The following CSMD1 variants were observed in gnomAD, a reference collection of about 807,000 sequenced individuals.
CSMD1 encodes the protein CUB and Sushi multiple domains 1, also known as CUB and sushi domain-containing protein 1.
A neutral mutation model predicts 417.5 loss-of-function variants in CSMD1; 213 were observed. That is an observed-to-expected ratio of 0.51 (90% CI 0.46 to 0.57). CSMD1 has a LOEUF of 0.57. Among genes scored for constraint, CSMD1 ranks in the 20% least tolerant of loss-of-function variants. CSMD1 has a pLI of 0.00. For missense variants in CSMD1, 6,923 were observed against 4,529.7 expected, an observed-to-expected ratio of 1.53 and a Z score of -15.17; for synonymous variants, 2,862 against 1,736.8, an observed-to-expected ratio of 1.65 and a Z score of -16.11.
At chr8:4,411,820 A>C (rs1245537276) in intron 3 of CSMD1, among the ~76,000 whole-genome samples, 1 of 152,198 alleles carries the variant, frequency 6.6e-6, no homozygotes, top group Admixed American at 6.5e-5. Flanking sequence ...TAGCTATGCA[A>C]ATACTTTTAT....
chr8:3,953,596 C>T (rs1210974283), intron 5 of CSMD1, among the ~76,000 whole-genome samples: 1 of 152,060 alleles, frequency 6.6e-6, no homozygotes, highest in Non-Finnish European at 1.5e-5. Context: ...AAGTGGGTCA[C>T]TGCGCCCAAG....
intron 5 of CSMD1, among the ~76,000 whole-genome samples, chr8:3,897,214 G>A (rs942839182): frequency 4.6e-5 from 7 of 152,294 alleles, no homozygotes; most frequent in East Asian, 3.9e-4. Flanking sequence ...TCAAAACAAA[G>A]GAGTGAGATG....
At chr8:4,168,589 G>A (rs1457501663) in intron 3 of CSMD1, among the ~76,000 whole-genome samples, 3 of 151,838 alleles carry the variant, frequency 2.0e-5, no homozygotes, top group South Asian at 2.1e-4. Flanking sequence ...GGCTTTGCAG[G>A]GACAAAACGC....
chr8:3,610,475 C>CGGTG (rs1801836667), intron 8 of CSMD1, among the ~76,000 whole-genome samples: 1 of 129,782 alleles, frequency 7.7e-6, no homozygotes, highest in Non-Finnish European at 1.7e-5. Flanking sequence ...TTCGAGATTA[C>CGGTG]AGTACTCCAG....
intron 42 of CSMD1, among the ~76,000 whole-genome samples, chr8:3,111,831 AAATAAT>A (rs113064194): frequency 1.3e-5 from 2 of 151,814 alleles, no homozygotes; most frequent in African/African-American, 2.4e-5. Context: ...CTGTCTCTAA[AAATAAT>A]AATAATAATA....
Position 3,348,065 on chromosome 8 carries a change from A to G in CSMD1, c.3401T>C (p.Ile1134Thr), listed in dbSNP as rs1808129819. Residue 1134 changes from isoleucine to threonine, a missense_variant, in exon 22 of 70, where the codon ATA becomes ACA. Transcript: ENST00000635120. ...YDNNHECIYK[I>T]ETEAGKGIHL... is the part of the protein sequence containing the mutation. The stretch of plus-strand genomic sequence containing the variant: ...GATGCCCTTGCCGGCTTCTGTTTCT[A>G]TTTTATAGATACACTCATGGTTATT... The G allele has an allele frequency of 6.2e-7, 1 of 1,612,548 alleles. No individual in the cohort carries two copies. The highest frequency in any genetic ancestry group is 8.5e-7 in the Non-Finnish European group (1 of 1,179,200).
intron 2 of CSMD1, among the ~76,000 whole-genome samples, chr8:4,626,723 C>T (rs1349836017): frequency 6.6e-6 from 1 of 152,074 alleles, no homozygotes; most frequent in Non-Finnish European, 1.5e-5. Flanking sequence ...ACCTACCCTT[C>T]AGTTCAAGGA....
At chr8:4,002,218 A>AGT (rs1320971095) in intron 4 of CSMD1, among the ~76,000 whole-genome samples, 4 of 142,052 alleles carry the variant, frequency 2.8e-5, no homozygotes, top group African/African-American at 9.9e-5. Flanking sequence ...TGTGTGTGTG[A>AGT]GTGTGTGTGC....
chr8:3,725,905 T>C (rs578024128), intron 6 of CSMD1, among the ~76,000 whole-genome samples: 4 of 152,298 alleles, frequency 2.6e-5, no homozygotes, highest in African/African-American at 9.6e-5. Context: ...TGGAGCCTAC[T>C]CCTTCTTTCT....
rs185696892 is a variant in CSMD1 at position 3,353,970 on chromosome 8, C to T, written c.3304+5182G>A. Among the ~76,000 whole-genome samples, 3 of 152,290 alleles carry T rather than the reference C, an allele frequency of 2.0e-5. No individual in the cohort carries two copies. The East Asian group carries it at 5.8e-4, about 29-fold the overall frequency. ...AAATTTCCTGTCTCAGTCTGCTTGG[C>T]CTGCTGTAACAAAGTACCACAGACA... On this transcript the variant is annotated intron_variant, in intron 21 of 69. Coordinates refer to ENST00000635120, the MANE Select transcript of CSMD1 (RefSeq NM_033225.6).
At chr8:4,305,722 C>T (rs1172095425) in intron 3 of CSMD1, among the ~76,000 whole-genome samples, 1 of 152,152 alleles carries the variant, frequency 6.6e-6, no homozygotes, top group African/African-American at 2.4e-5. Flanking sequence ...TGATCTCTTG[C>T]ATGTACAGAT....
At position 3,240,072 on chromosome 8, in the gene CSMD1, G is replaced by C. The variant is rs1585755630; in HGVS notation, c.4154-9841C>G. On this transcript the variant is annotated intron_variant, in intron 26 of 69. Transcript: ENST00000635120. The stretch of plus-strand genomic sequence containing the variant: ...TTGTGATTTTAAGGGCCTCTAAAAG[G>C]ATTAGGGTGGTGGCGGCTGCCACAA... 2.0e-5 allele frequency among the ~76,000 whole-genome samples: 3 copies of C among 152,268 alleles called. No individual in the cohort carries two copies. In the South Asian group the frequency reaches 6.2e-4, roughly 32 times the overall value.
chr8:4,525,294 T>C (rs543263024), intron 2 of CSMD1, among the ~76,000 whole-genome samples: 2 of 152,256 alleles, frequency 1.3e-5, no homozygotes, highest in South Asian at 4.1e-4. Context: ...GTATGGTCTG[T>C]AGGTAGCTAT....
At chr8:4,850,215 G>A (rs1007125305) in intron 1 of CSMD1, among the ~76,000 whole-genome samples, 1 of 152,018 alleles carries the variant, frequency 6.6e-6, no homozygotes, top group African/African-American at 2.4e-5. Flanking sequence ...TGGGTTATCT[G>A]TCATTTTATT....
intron 11 of CSMD1, among the ~76,000 whole-genome samples, chr8:3,490,999 C>G (rs896448290): frequency 6.6e-6 from 1 of 151,958 alleles, no homozygotes; most frequent in East Asian, 1.9e-4. Flanking sequence ...ATTGGAGAAA[C>G]GTAACAATGT....
At chr8:4,259,736 T>TAC (rs1460762294) in intron 3 of CSMD1, among the ~76,000 whole-genome samples, 2 of 152,120 alleles carry the variant, frequency 1.3e-5, no homozygotes, top group Non-Finnish European at 2.9e-5. Context: ...TATATACACA[T>TAC]ACACATGTAT....
intron 5 of CSMD1, among the ~76,000 whole-genome samples, chr8:3,809,751 GT>G (rs1245780511): frequency 6.6e-6 from 1 of 152,152 alleles, no homozygotes; most frequent in Non-Finnish European, 1.5e-5. Context: ...TAAGAGGGGA[GT>G]TGAGACAACA....
chr8:3,435,316 G>A (rs774130029), intron 12 of CSMD1, among the ~76,000 whole-genome samples: 78 of 152,122 alleles, frequency 5.1e-4, no homozygotes, highest in Admixed American at 1.3e-3. Flanking sequence ...GATGAAGCAT[G>A]GGGCAGAGGG....
intron 26 of CSMD1, among the ~76,000 whole-genome samples, chr8:3,262,733 G>A (rs552209561): frequency 1.6e-4 from 24 of 152,116 alleles, no homozygotes; most frequent in Admixed American, 1.1e-3. Flanking sequence ...GTCTCATAGT[G>A]GAAAATGTCC....
Sources: gnomAD v4.1 joint callset for allele counts (sites outside exome capture counted in the v4.1 genomes callset) on GRCh38, gnomAD v4.1.1 for gene constraint, MANE v1.5 for transcripts, NCBI Gene and HGNC (gene_info 2026-07-23, HGNC 2026-07-21) for gene names.